GPC5: variants seen among roughly 807,000 people sequenced by gnomAD.
GPC5 encodes glypican-5.
In GPC5, 47 loss-of-function variants were observed where a neutral mutation model predicts 53.9. The observed-to-expected ratio is 0.87, with a 90% CI of 0.69 to 1.11. GPC5 has a LOEUF of 1.11. GPC5 is among the 50% of genes most tolerant of loss of function. GPC5 has a pLI of 0.00. For synonymous variants in GPC5, 286 were observed against 263.3 expected (o/e 1.09, Z -0.84); for missense variants, 748 against 713.1 (o/e 1.05, Z -0.56).
intron 6 of GPC5, among the ~76,000 whole-genome samples, chr13:92,054,667 G>T (rs546735759): frequency 1.3e-5 from 2 of 152,256 alleles, no homozygotes; most frequent in South Asian, 2.1e-4. Flanking sequence ...ATAAATATTT[G>T]CTATCTGCAA....
At chr13:92,479,770 T>C (rs942917490) in intron 7 of GPC5, among the ~76,000 whole-genome samples, 6 of 152,206 alleles carry the variant, frequency 3.9e-5, no homozygotes, top group Non-Finnish European at 7.3e-5. Context: ...GATTGACATC[T>C]GATAGGAATT....
intron 5 of GPC5, among the ~76,000 whole-genome samples, chr13:91,835,499 A>G (rs7330255): frequency 0.14 from 21,127 of 152,216 alleles, 1,613 homozygotes; most frequent in African/African-American, 0.2. Context: ...ATGCCCATCA[A>G]TGATAGACTG....
chr13:91,542,677 T>C (rs1270049774), intron 2 of GPC5, among the ~76,000 whole-genome samples: 1 of 151,866 alleles, frequency 6.6e-6, no homozygotes, highest in Non-Finnish European at 1.5e-5. Context: ...TCTTCCTCAA[T>C]TTTTTTTATT....
At chr13:91,692,675 ACT>A (rs1361905089) in intron 2 of GPC5, among the ~76,000 whole-genome samples, 2 of 152,266 alleles carry the variant, frequency 1.3e-5, no homozygotes, top group Admixed American at 6.5e-5. Context: ...ACAGAGTCTC[ACT>A]CTGTCACCGA....
At chr13:92,608,760 C>T (rs986337431) in intron 7 of GPC5, among the ~76,000 whole-genome samples, 3 of 152,116 alleles carry the variant, frequency 2.0e-5, no homozygotes, top group African/African-American at 7.2e-5. Flanking sequence ...TAGAGTTATC[C>T]AATCACTCAT....
intron 7 of GPC5, among the ~76,000 whole-genome samples, chr13:92,538,336 T>C (rs1881791219): frequency 6.6e-6 from 1 of 151,610 alleles, no homozygotes; most frequent in African/African-American, 2.4e-5. Context: ...TCTACCTCCC[T>C]CCTTCCTGTC....
intron 6 of GPC5, among the ~76,000 whole-genome samples, chr13:92,107,411 A>C (rs2041518692): frequency 6.6e-6 from 1 of 152,056 alleles, no homozygotes. Flanking sequence ...TATAATATTA[A>C]GGAACATCGA....
intron 2 of GPC5, among the ~76,000 whole-genome samples, chr13:91,551,716 T>A (rs1419173835): frequency 6.6e-6 from 1 of 152,036 alleles, no homozygotes; most frequent in Non-Finnish European, 1.5e-5. Flanking sequence ...TGCAGAGACA[T>A]CGAAAAAGTA....
At chr13:92,414,183 G>A (rs1876177099) in intron 7 of GPC5, among the ~76,000 whole-genome samples, 1 of 152,082 alleles carries the variant, frequency 6.6e-6, no homozygotes, top group Non-Finnish European at 1.5e-5. Context: ...GAGACAGATA[G>A]CAAACTCCTT....
intron 7 of GPC5, among the ~76,000 whole-genome samples, chr13:92,431,389 G>GTT (rs1566587572): frequency 5.0e-5 from 4 of 80,434 alleles, no homozygotes; most frequent in African/African-American, 1.3e-4. Context: ...TAAAGACACA[G>GTT]CTTTTTTTTT....
chr13:92,357,118 T>G (rs1167680453), intron 7 of GPC5, among the ~76,000 whole-genome samples: 2 of 151,808 alleles, frequency 1.3e-5, no homozygotes, highest in East Asian at 3.9e-4. Flanking sequence ...AATGTATCAT[T>G]GATGGGCATT....
At chr13:92,483,788 C>CTT (rs1359387618) in intron 7 of GPC5, among the ~76,000 whole-genome samples, 1 of 144,286 alleles carries the variant, frequency 6.9e-6, no homozygotes, top group African/African-American at 2.5e-5. Flanking sequence ...TATCTAGTTT[C>CTT]TTTTTTTTTT....
At chr13:91,599,338 A>G (rs1305687774) in intron 2 of GPC5, among the ~76,000 whole-genome samples, 1 of 152,156 alleles carries the variant, frequency 6.6e-6, no homozygotes, top group Non-Finnish European at 1.5e-5. Flanking sequence ...TTGTATGTTC[A>G]GAATGCTTAA....
intron 6 of GPC5, among the ~76,000 whole-genome samples, chr13:91,975,238 AG>A (rs1298906720): frequency 6.6e-6 from 1 of 152,194 alleles, no homozygotes; most frequent in East Asian, 1.9e-4. Context: ...AAACACCAAA[AG>A]CAATGGCAAC....
intron 5 of GPC5, among the ~76,000 whole-genome samples, chr13:91,758,600 A>C (rs1016292225): frequency 6.6e-6 from 1 of 152,146 alleles, no homozygotes; most frequent in Admixed American, 6.6e-5. Context: ...TATTCTACAT[A>C]ATATATTTTT....
chr13:92,261,720 T>C (rs1356609349), intron 7 of GPC5, among the ~76,000 whole-genome samples: 1 of 152,152 alleles, frequency 6.6e-6, no homozygotes, highest in African/African-American at 2.4e-5. Flanking sequence ...TCTGATGATA[T>C]AGTGCTTTAT....
At chr13:92,014,787 A>C (rs1187340950) in intron 6 of GPC5, among the ~76,000 whole-genome samples, 3 of 152,188 alleles carry the variant, frequency 2.0e-5, no homozygotes, top group African/African-American at 7.2e-5. Flanking sequence ...GAGGTCATCT[A>C]TAATATACTT....
At chr13:91,989,422 A>C (rs1466100892) in intron 6 of GPC5, among the ~76,000 whole-genome samples, 1 of 152,214 alleles carries the variant, frequency 6.6e-6, no homozygotes, top group Non-Finnish European at 1.5e-5. Flanking sequence ...CTACCTGCAA[A>C]AGACAATGCC....
At chr13:92,779,831 C>T (rs12866859) in intron 7 of GPC5, among the ~76,000 whole-genome samples, 27,138 of 152,092 alleles carry the variant, frequency 0.18, 3,235 homozygotes, top group Non-Finnish European at 0.27. Context: ...AGGACAAACT[C>T]ATAAACCAGA....
Sources: allele counts gnomAD v4.1 joint callset (sites outside exome capture counted in the v4.1 genomes callset), GRCh38; gene constraint gnomAD v4.1.1; transcripts MANE v1.5; gene names NCBI Gene and HGNC (gene_info 2026-07-23, HGNC 2026-07-21).